The following CREB5 variants were observed in gnomAD, a reference collection of about 807,000 sequenced individuals.
CREB5 encodes the protein cAMP responsive element binding protein 5.
Under a neutral mutation model 57.1 loss-of-function variants are expected in CREB5, and 19 were observed. That is an observed-to-expected ratio of 0.33 (90% CI 0.23 to 0.49). CREB5 has a LOEUF of 0.49. Among genes scored for constraint, CREB5 ranks in the 20% least tolerant of loss-of-function variants. CREB5 has a pLI of 0.99. For synonymous variants in CREB5, 238 were observed against 238.3 expected, an observed-to-expected ratio of 1.00 and a Z score of 0.01; for missense variants, 579 against 671.6, an observed-to-expected ratio of 0.86 and a Z score of 1.52.
At chr7:28,482,166 A>C (rs1309684070) in intron 1 of CREB5, among the ~76,000 whole-genome samples, 1 of 152,178 alleles carries the variant, frequency 6.6e-6, no homozygotes, top group African/African-American at 2.4e-5. Flanking sequence ...GAAAGATGCA[A>C]TATCCCTCCC....
chr7:28,451,484 G>A (rs1186983376), intron 1 of CREB5, among the ~76,000 whole-genome samples: 6 of 122,026 alleles, frequency 4.9e-5, no homozygotes, highest in African/African-American at 2.0e-4. Flanking sequence ...GTGTGTGTGT[G>A]TGTGTGTGTT....
At chr7:28,351,714 G>A (rs747734319) in intron 1 of CREB5, among the ~76,000 whole-genome samples, 43 of 151,944 alleles carry the variant, frequency 2.8e-4, no homozygotes, top group Non-Finnish European at 5.0e-4. Flanking sequence ...GCACTTTCAA[G>A]CATTACATTG....
intron 5 of CREB5, among the ~76,000 whole-genome samples, chr7:28,651,468 G>A (rs1226711396): frequency 2.6e-5 from 4 of 152,154 alleles, no homozygotes; most frequent in African/African-American, 9.7e-5. Context: ...GGAGCCAGGC[G>A]TGGTGGCTCA....
At chr7:28,495,642 G>A (rs906295697) in intron 3 of CREB5, among the ~76,000 whole-genome samples, 2 of 152,078 alleles carry the variant, frequency 1.3e-5, no homozygotes, top group African/African-American at 4.8e-5. Context: ...GAAATGCAAA[G>A]ATTTATATTC....
chr7:28,310,850 G>A (rs1450565398), intron 1 of CREB5, among the ~76,000 whole-genome samples: 1 of 152,152 alleles, frequency 6.6e-6, no homozygotes, highest in African/African-American at 2.4e-5. Flanking sequence ...TCGATGAACA[G>A]AGCTTTGTAT....
chr7:28,522,171 G>A lies in CREB5; in HGVS notation c.291+14434G>A, dbSNP rs188611092. ...TAATTTGCTGAAAGTCATGAAGCTA[G>A]TAAGTTGCAGATTGAGTATATAGGA... On this transcript the variant is annotated intron_variant, in intron 4 of 10. Coordinates refer to ENST00000357727, the MANE Select transcript of CREB5 (RefSeq NM_182898.4). Among the ~76,000 whole-genome samples, 336 of 152,254 alleles carry A rather than the reference G, an allele frequency of 2.2e-3. 1 individual carries two copies. The highest frequency in any genetic ancestry group is 2.7e-3 in the Non-Finnish European group (181 of 68,024).
chr7:28,696,398 GTCC>G (rs1801563457), intron 5 of CREB5, among the ~76,000 whole-genome samples: 1 of 152,246 alleles, frequency 6.6e-6, no homozygotes, highest in Middle Eastern at 3.4e-3. Context: ...AGAGTTATCT[GTCC>G]TCCTCCTCCT....
intron 5 of CREB5, among the ~76,000 whole-genome samples, chr7:28,673,153 G>A (rs982919337): frequency 4.6e-5 from 7 of 152,150 alleles, no homozygotes; most frequent in Non-Finnish European, 8.8e-5. Context: ...ACAATTTAGC[G>A]TTTAAATCTT....
At chr7:28,642,951 T>TACACACACACACAC (rs751628412) in intron 5 of CREB5, among the ~76,000 whole-genome samples, 48 of 89,642 alleles carry the variant, frequency 5.4e-4, no homozygotes, top group South Asian at 8.1e-4. Context: ...AGGGTAGATT[T>TACACACACACACAC]ACACACACAC....
Position 28,614,572 on chromosome 7 carries a change from A to G in CREB5, c.464+44035A>G, listed in dbSNP as rs986517168. ...CACTGCTTATGCCTCACCCCTAATG[A>G]GAGCCCCTTGCACTTCCAAAAACCT... is the stretch of plus-strand genomic sequence containing the variant. On this transcript the variant is annotated intron_variant, in intron 5 of 10. Coordinates refer to ENST00000357727, the MANE Select transcript of CREB5 (RefSeq NM_182898.4). Among the ~76,000 whole-genome samples the G allele has an allele frequency of 9.2e-5, 14 of 152,156 alleles. 1 individual carries two copies. The highest frequency in any genetic ancestry group is 3.1e-4 in the African/African-American group (13 of 41,440).
At chr7:28,608,763 G>GTGTTGCTTCTTTT (rs1459297224) in intron 5 of CREB5, among the ~76,000 whole-genome samples, 8 of 152,226 alleles carry the variant, frequency 5.3e-5, no homozygotes, top group African/African-American at 1.7e-4. Context: ...TGGTTGACAT[G>GTGTTGCTTCTTTT]TGTTGATATA....
intron 7 of CREB5, among the ~76,000 whole-genome samples, chr7:28,785,906 GT>G (rs1012291933): frequency 3.3e-5 from 5 of 152,168 alleles, no homozygotes; most frequent in African/African-American, 1.2e-4. Flanking sequence ...TAAGGATCCT[GT>G]TTAAAGGGTC....
chr7:28,736,316 T>C (rs1034833848), intron 7 of CREB5, among the ~76,000 whole-genome samples: 5 of 151,910 alleles, frequency 3.3e-5, no homozygotes, highest in African/African-American at 1.2e-4. Context: ...ATTACAGGCA[T>C]GCACCACCAC....
intron 5 of CREB5, among the ~76,000 whole-genome samples, chr7:28,656,690 A>T (rs901401468): frequency 6.6e-6 from 1 of 152,230 alleles, no homozygotes; most frequent in Non-Finnish European, 1.5e-5. Flanking sequence ...GTGTGTGAAC[A>T]GGAGGGACCT....
At chr7:28,729,551 A>G (rs1803502473) in intron 7 of CREB5, among the ~76,000 whole-genome samples, 1 of 152,194 alleles carries the variant, frequency 6.6e-6, no homozygotes, top group South Asian at 2.1e-4. Flanking sequence ...CCACTGTCCA[A>G]CAGATAAATC....
At chr7:28,415,665 G>T (rs1442764291) in intron 1 of CREB5, among the ~76,000 whole-genome samples, 2 of 152,074 alleles carry the variant, frequency 1.3e-5, no homozygotes, top group African/African-American at 4.8e-5. Flanking sequence ...ACACCATCCA[G>T]ATTTCATTTG....
At chr7:28,562,067 C>A (rs2128643487) in intron 4 of CREB5, among the ~76,000 whole-genome samples, 1 of 152,278 alleles carries the variant, frequency 6.6e-6, no homozygotes, top group South Asian at 2.1e-4. Flanking sequence ...TTTAATGGCA[C>A]GAGACTAGTT....
intron 5 of CREB5, among the ~76,000 whole-genome samples, chr7:28,674,203 C>T (rs754594408): frequency 2.0e-5 from 3 of 151,946 alleles, no homozygotes; most frequent in Non-Finnish European, 2.9e-5. Context: ...TGTTTTCAAC[C>T]ATAGGGGAAA....
rs113883752 is a variant in CREB5 at position 28,337,237 on chromosome 7, A to G, written c.-25+37796A>G. Among the ~76,000 whole-genome samples the G allele has an allele frequency of 6.3e-3, 964 of 152,104 alleles. 5 individuals are homozygous for G. The highest frequency in any genetic ancestry group is 0.022 in the African/African-American group (909 of 41,524). On this transcript the variant is annotated intron_variant, in intron 1 of 9. Transcript: ENST00000396299. ...TAATCTACAGTGCAGATTAAGTTCAATGTTTCTTTGTTGATTTTCTATCTG... is the reference window on the plus strand; with the variant it reads ...TAATCTACAGTGCAGATTAAGTTCAGTGTTTCTTTGTTGATTTTCTATCTG...
Sources: gnomAD v4.1 joint callset for allele counts (sites outside exome capture counted in the v4.1 genomes callset) on GRCh38, gnomAD v4.1.1 for gene constraint, MANE v1.5 for transcripts, NCBI Gene and HGNC (gene_info 2026-07-23, HGNC 2026-07-21) for gene names.